The following HHAT variants were observed in gnomAD, a reference collection of about 807,000 sequenced individuals.
HHAT encodes the protein hedgehog acyltransferase.
HHAT carries 47 observed loss-of-function variants against 70.8 expected under a neutral mutation model. The observed-to-expected ratio is 0.66, with a 90% CI of 0.53 to 0.85. HHAT has a LOEUF of 0.85. Ranked by LOEUF, HHAT falls within the 40% of genes least tolerant of loss-of-function variation. HHAT has a pLI of 0.00. For synonymous variants in HHAT, 228 were observed against 247.6 expected (o/e 0.92, Z 0.74); for missense variants, 609 against 604.8 (o/e 1.01, Z -0.07).
At chr1:210,590,250 A>C (rs1340116401) in intron 10 of HHAT, 2 of 152,082 alleles carry the variant, frequency 1.3e-5, no homozygotes, top group Non-Finnish European at 2.9e-5. Context: ...TTTTGAGTAA[A>C]CTATTTCCCC....
At chr1:210,606,103 A>G (rs765125473) in intron 10 of HHAT, among the ~76,000 whole-genome samples, 9 of 152,134 alleles carry the variant, frequency 5.9e-5, no homozygotes, top group Admixed American at 2.0e-4. Flanking sequence ...GGTCAGGTCC[A>G]TCTGCCTTGG....
chr1:210,447,191 A>AAAT (rs758081005), intron 7 of HHAT, among the ~76,000 whole-genome samples: 3 of 152,302 alleles, frequency 2.0e-5, no homozygotes, highest in Non-Finnish European at 2.9e-5. Flanking sequence ...CTTATCTGTA[A>AAAT]AATAAGAATC....
At chr1:210,648,249 A>T (rs969294322) in intron 11 of HHAT, among the ~76,000 whole-genome samples, 1 of 152,240 alleles carries the variant, frequency 6.6e-6, no homozygotes, top group African/African-American at 2.4e-5. Context: ...CTCCTGGTGC[A>T]GTATGATGTA....
intron 9 of HHAT, among the ~76,000 whole-genome samples, chr1:210,541,183 T>C (rs1176264807): frequency 2.3e-5 from 2 of 85,382 alleles, no homozygotes; most frequent in Non-Finnish European, 5.8e-5. Flanking sequence ...CAATATATTT[T>C]TATTTTATAT....
intron 2 of HHAT, among the ~76,000 whole-genome samples, chr1:210,352,454 T>A (rs576480253): frequency 1.3e-5 from 2 of 152,266 alleles, no homozygotes; most frequent in African/African-American, 4.8e-5. Context: ...TAGAAGTAGG[T>A]CACTGGAAAA....
intron 9 of HHAT, among the ~76,000 whole-genome samples, chr1:210,514,211 C>A (rs947367830): frequency 2.0e-5 from 3 of 152,224 alleles, no homozygotes; most frequent in African/African-American, 7.2e-5. Context: ...TCCTCTTTGA[C>A]CTCTTTTCCA....
intron 6 of HHAT, among the ~76,000 whole-genome samples, chr1:210,406,805 T>C (rs2092348766): frequency 6.6e-6 from 1 of 152,196 alleles, no homozygotes; most frequent in Admixed American, 6.5e-5. Context: ...CCAAGGGTTC[T>C]CATTCTCTTG....
chr1:210,495,456 G>A (rs1476071284), intron 8 of HHAT, among the ~76,000 whole-genome samples: 1 of 151,962 alleles, frequency 6.6e-6, no homozygotes, highest in Non-Finnish European at 1.5e-5. Context: ...CAACATTTTT[G>A]ACTCATCGGG....
At position 210,643,531 on chromosome 1, in the gene HHAT, G is replaced by A. The variant is rs534113561; in HGVS notation, c.1390+19861G>A. On this transcript the variant is annotated intron_variant, in intron 11 of 11. Transcript: ENST00000261458. The stretch of plus-strand genomic sequence containing the variant: ...TTCTGGAACATACCATGCGTCCAGA[G>A]GGTGAATCATTCCTTCCTCTTTTGT... Among the ~76,000 whole-genome samples, 6 of 152,286 alleles carry A rather than the reference G, an allele frequency of 3.9e-5. No individual in the cohort carries two copies. In the South Asian group the frequency reaches 1.0e-3, roughly 26 times the overall value.
At chr1:210,417,796 C>A (rs1392618034) in intron 6 of HHAT, among the ~76,000 whole-genome samples, 1 of 152,062 alleles carries the variant, frequency 6.6e-6, no homozygotes, top group Non-Finnish European at 1.5e-5. Flanking sequence ...CAGGGTGGCA[C>A]CTGTAGCCCG....
At position 210,587,754 on chromosome 1, in the gene HHAT, G is replaced by C. The variant is rs1660792350; in HGVS notation, c.1044-144G>C. On this transcript the variant is annotated intron_variant, in intron 9 of 11. Coordinates refer to ENST00000261458, the MANE Select transcript of HHAT (RefSeq NM_018194.6). Reference sequence around the variant, plus strand: ...TTTCGCCAACTCCTTGTGGGATGGAGAATCCAAGGAATCTGGCCTCTTGGA... The same window carrying C: ...TTTCGCCAACTCCTTGTGGGATGGACAATCCAAGGAATCTGGCCTCTTGGA... 4.5e-6 allele frequency: 3 copies of C among 664,930 alleles called. No individual in the cohort carries two copies. In the African/African-American group the frequency reaches 5.4e-5, roughly 12 times the overall value. 41.2% of individuals were successfully genotyped at this position (664,930 alleles called of 1,614,324 possible). A position where few individuals can be genotyped will look rare whatever the true frequency, so the allele number is the denominator to read the frequency against.
At chr1:210,532,241 A>G (rs150548319) in intron 9 of HHAT, among the ~76,000 whole-genome samples, 71 of 152,354 alleles carry the variant, frequency 4.7e-4, no homozygotes, top group African/African-American at 1.3e-3. Context: ...CAAAATAATG[A>G]ACTGGAAAAC....
rs1292619584 is a variant in HHAT, at chr1:210,676,178, A to G, written c.*1799A>G. The G allele has an allele frequency of 6.6e-6, 1 of 152,222 alleles. No individual in the cohort carries two copies. Among genetic ancestry groups the G allele is most frequent in the African/African-American group, 2.4e-5 (1 of 41,456 alleles). 9.4% of individuals were successfully genotyped at this position (152,222 alleles called of 1,614,324 possible). A position where few individuals can be genotyped will look rare whatever the true frequency, so the allele number is the denominator to read the frequency against. The stretch of plus-strand genomic sequence containing the variant: ...ACAAATAGGTTTATTCATTCATTAA[A>G]CTACTTTGGAAGCGTCAGTGGATAT... On this transcript the variant is annotated 3_prime_UTR_variant, in exon 12 of 12. Transcript: ENST00000261458.
At chr1:210,414,574 C>T (rs776609901) in intron 6 of HHAT, among the ~76,000 whole-genome samples, 8 of 152,104 alleles carry the variant, frequency 5.3e-5, no homozygotes, top group Admixed American at 6.5e-5. Flanking sequence ...ATAGAGGATG[C>T]TGGGCTTCCT....
chr1:210,535,454 TGG>T (rs551596529), intron 9 of HHAT, among the ~76,000 whole-genome samples: 8 of 150,372 alleles, frequency 5.3e-5, no homozygotes, highest in South Asian at 2.1e-4. Flanking sequence ...TGTGTGTGTG[TGG>T]GGTAAAATAA....
chr1:210,414,341 TGGGGCACAAAC>T (rs2092653269), intron 6 of HHAT, among the ~76,000 whole-genome samples: 1 of 152,176 alleles, frequency 6.6e-6, no homozygotes, highest in Non-Finnish European at 1.5e-5. Context: ...TGAATTTTAG[TGGGGCACAAAC>T]ATGCAGACCA....
intron 7 of HHAT, among the ~76,000 whole-genome samples, chr1:210,463,315 C>G (rs1264474988): frequency 2.0e-5 from 3 of 152,158 alleles, no homozygotes; most frequent in Non-Finnish European, 4.4e-5. Context: ...ACCTTTTATT[C>G]ATTGCTGCCC....
At chr1:210,652,619 G>A (rs776109840) in intron 11 of HHAT, among the ~76,000 whole-genome samples, 21 of 152,224 alleles carry the variant, frequency 1.4e-4, no homozygotes, top group Non-Finnish European at 2.9e-4. Context: ...CTCCAAGGGG[G>A]CTGCAGAACA....
chr1:210,334,864 C>T (rs1223913605), intron 1 of HHAT, among the ~76,000 whole-genome samples: 1 of 151,642 alleles, frequency 6.6e-6, no homozygotes. Flanking sequence ...CAGGTTTTTC[C>T]AATAAAATAT....
Sources: allele counts gnomAD v4.1 joint callset (sites outside exome capture counted in the v4.1 genomes callset), GRCh38; gene constraint gnomAD v4.1.1; transcripts MANE v1.5; gene names NCBI Gene and HGNC (gene_info 2026-07-23, HGNC 2026-07-21).